RP1: variants seen among roughly 807,000 people sequenced by gnomAD.
RP1 encodes the protein RP1 axonemal microtubule associated.
Under a neutral mutation model 14.8 loss-of-function variants are expected in RP1, and 16 were observed. The ratio of observed to expected loss-of-function variants is 1.08; its 90% CI spans 0.73 to 1.65. RP1 has a LOEUF of 1.65. RP1 is among the 40% of genes most tolerant of loss of function. The pLI is 0.00. For missense variants in RP1, 2,631 were observed against 2,535.0 expected (o/e 1.04, Z -0.81); for synonymous variants, 876 against 883.6 (o/e 0.99, Z 0.15).
intron 24 of RP1, among the ~76,000 whole-genome samples, chr8:54,812,739 T>C (rs1208492948): frequency 2.0e-5 from 3 of 151,792 alleles, no homozygotes; most frequent in African/African-American, 4.8e-5. Context: ...TCTATGTATC[T>C]ATGTATCCAT....
intron 24 of RP1, among the ~76,000 whole-genome samples, chr8:54,788,080 G>A (rs1322681130): frequency 6.6e-6 from 1 of 152,144 alleles, no homozygotes; most frequent in East Asian, 1.9e-4. Flanking sequence ...CCCACAAATT[G>A]TGGTAGACTT....
At chr8:54,729,747 A>G (rs1171618620) in intron 17 of RP1, among the ~76,000 whole-genome samples, 2 of 152,062 alleles carry the variant, frequency 1.3e-5, no homozygotes, top group Admixed American at 1.3e-4. Flanking sequence ...TATTTTAAAT[A>G]AAATTTAATA....
intron 3 of RP1, among the ~76,000 whole-genome samples, chr8:54,624,443 C>CAAAAAAAAAAAAA (rs11332494): frequency 5.7e-4 from 32 of 56,588 alleles, no homozygotes; most frequent in Non-Finnish European, 6.5e-4. Flanking sequence ...GACTCTGTCT[C>CAAAAAAAAAAAAA]AAAAAAAAAA....
At chr8:54,737,389 C>T (rs770321451) in intron 18 of RP1, among the ~76,000 whole-genome samples, 5 of 152,118 alleles carry the variant, frequency 3.3e-5, no homozygotes, top group African/African-American at 4.8e-5. Context: ...TTCAGATATC[C>T]CTTTATTGTT....
At chr8:54,775,102 C>T (rs376030203) in intron 23 of RP1, among the ~76,000 whole-genome samples, 42 of 152,000 alleles carry the variant, frequency 2.8e-4, no homozygotes, top group African/African-American at 9.9e-4. Context: ...CAGACATCAA[C>T]AAATGTCTCC....
rs535526191 is a variant in RP1 at position 54,692,124 on chromosome 8, T to G, written c.1718-7343T>G. 1.4e-4 allele frequency among the ~76,000 whole-genome samples: 21 copies of G among 151,978 alleles called. No homozygotes were observed. The South Asian group carries it at 4.0e-3, about 29-fold the overall frequency. Reference sequence around the variant, plus strand: ...GAATGATGATTTCCAATTTCATCCATGTCCCTACAAAGGACATGAACTCAT... The same window carrying G: ...GAATGATGATTTCCAATTTCATCCAGGTCCCTACAAAGGACATGAACTCAT... On this transcript the variant is annotated intron_variant, in intron 12 of 22. Coordinates refer to the RP1 transcript ENST00000636932.
chr8:54,625,413 G>C lies in RP1; in HGVS notation c.1531G>C (p.Val511Leu). Residue 511 changes from valine (V) to leucine (L), a missense_variant, in exon 4 of 4, where the codon GTA becomes CTA. By Grantham distance (32) the Val-to-Leu change is conservative. Coordinates refer to ENST00000220676, the MANE Select transcript of RP1 (RefSeq NM_006269.2). ...FTHSCSKMSS[V>L]SNKPVLVQIN... ...ACATTCTTGCAGTAAAATGTCATCA[G>C]TATCTAACAAACCAGTACTTGTTCA... 6.2e-7 allele frequency: 1 copy of C among 1,613,996 alleles called. No homozygotes were observed. The highest frequency in any genetic ancestry group is 8.5e-7 in the Non-Finnish European group (1 of 1,180,038).
Position 54,628,480 on chromosome 8 carries a change from C to A in RP1, c.4598C>A (p.Ala1533Glu). 6.2e-7 allele frequency: 1 copy of A among 1,613,510 alleles called. No homozygotes were observed. Among genetic ancestry groups the A allele is most frequent in the Non-Finnish European group, 8.5e-7 (1 of 1,179,812 alleles). Residue 1533 changes from alanine to glutamate, a missense_variant, in exon 4 of 4, where the codon GCA (alanine) becomes GAA (glutamate). Physicochemically the swap from Ala to Glu is moderately radical, Grantham distance 107 (BLOSUM62 -1). Transcript: ENST00000220676. ...TATGAAATAATCAGTAAGAGGCTGG[C>A]AACACCACCATCTTTAGATTTTTGC... ...IIYEIISKRL[A>E]TPPSLDFCYD...
intron 8 of RP1, among the ~76,000 whole-genome samples, chr8:54,675,535 T>G (rs1807277676): frequency 6.6e-6 from 1 of 152,164 alleles, no homozygotes; most frequent in African/African-American, 2.4e-5. Flanking sequence ...TCATGAAACA[T>G]TTTTATAATT....
At chr8:54,675,310 A>G (rs561103761) in intron 8 of RP1, among the ~76,000 whole-genome samples, 2 of 152,306 alleles carry the variant, frequency 1.3e-5, no homozygotes, top group Non-Finnish European at 2.9e-5. Context: ...ATAATTCACA[A>G]TGAGATTGTA....
intron 1 of RP1, among the ~76,000 whole-genome samples, chr8:54,585,607 C>T (rs1323912953): frequency 8.5e-5 from 13 of 152,322 alleles, no homozygotes; most frequent in Non-Finnish European, 1.6e-4. Flanking sequence ...AACTTGGTTG[C>T]GTTATCCCCG....
chr8:54,856,270 G>C (rs1812196702), intron 26 of RP1, among the ~76,000 whole-genome samples: 1 of 152,100 alleles, frequency 6.6e-6, no homozygotes, highest in South Asian at 2.1e-4. Flanking sequence ...TAAAAGTCAA[G>C]ATAGTGGATA....
In RP1 at chr8:54,630,041, C is replaced by A. The variant is rs755948701; in HGVS notation, c.6159C>A (p.Asp2053Glu). 15 of 1,613,980 alleles carry A rather than the reference C, an allele frequency of 9.3e-6. No individual in the cohort carries two copies. The highest frequency in any genetic ancestry group is 1.3e-5 in the Non-Finnish European group (15 of 1,179,962). Residue 2053 changes from aspartate to glutamate, a missense_variant, in exon 4 of 4, where the codon GAC becomes GAA. Asp to Glu is a conservative substitution (Grantham distance 45). Coordinates refer to ENST00000220676, the MANE Select transcript of RP1 (RefSeq NM_006269.2). ...GTAATGTGGATTCAAATACACAAGA[C>A]CTCAGCGGTCAGACAAATGAAATCT... The part of the protein sequence containing the change: ...VVGNVDSNTQ[D>E]LSGQTNEIFK...
chr8:54,608,435 A>G (rs1411696366), intron 1 of RP1, among the ~76,000 whole-genome samples: 1 of 152,190 alleles, frequency 6.6e-6, no homozygotes, highest in East Asian at 1.9e-4. Context: ...TTTTCAGTCT[A>G]GGCAGTTATT....
At chr8:54,689,738 A>G (rs977859263) in intron 12 of RP1, among the ~76,000 whole-genome samples, 26 of 152,112 alleles carry the variant, frequency 1.7e-4, no homozygotes, top group African/African-American at 5.8e-4. Context: ...TGCATAAAGC[A>G]TAACTAGTTA....
At chr8:54,697,173 ATGTGTTTCC>A in intron 12 of RP1, 2 of 786,494 alleles carry the variant, frequency 2.5e-6, no homozygotes, top group Non-Finnish European at 4.3e-6. Context: ...AAGTGGAAGC[ATGTGTTTCC>A]TTTTTTTGGG....
At position 54,630,041 on chromosome 8, in the gene RP1, C is replaced by G. The variant is rs755948701; in HGVS notation, c.6159C>G (p.Asp2053Glu). 2 of 1,613,980 alleles carry G rather than the reference C, an allele frequency of 1.2e-6. No individual in the cohort carries two copies. The highest frequency in any genetic ancestry group is 1.7e-6 in the Non-Finnish European group (2 of 1,179,962). Residue 2053 changes from aspartate to glutamate, a missense_variant, in exon 4 of 4, where the codon GAC (aspartate) becomes GAG (glutamate). Coordinates refer to ENST00000220676, the MANE Select transcript of RP1 (RefSeq NM_006269.2). ...GTAATGTGGATTCAAATACACAAGACCTCAGCGGTCAGACAAATGAAATCT... is the reference window on the plus strand; with the variant it reads ...GTAATGTGGATTCAAATACACAAGAGCTCAGCGGTCAGACAAATGAAATCT... ...VVGNVDSNTQ[D>E]LSGQTNEIFK...
At chr8:54,699,002 C>T (rs912314332) in intron 12 of RP1, among the ~76,000 whole-genome samples, 4 of 151,948 alleles carry the variant, frequency 2.6e-5, no homozygotes, top group East Asian at 1.9e-4. Context: ...GAAACCTGCA[C>T]GTTGTGCACA....
At chr8:54,611,343 G>T (rs979701123), upstream of RP1, among the ~76,000 whole-genome samples, 1 of 151,976 alleles carries the variant, frequency 6.6e-6, no homozygotes, top group Non-Finnish European at 1.5e-5. Flanking sequence ...TATTCTAGTT[G>T]ATGGTATCCC....
Sources: gnomAD v4.1 joint callset for allele counts (sites outside exome capture counted in the v4.1 genomes callset) on GRCh38, gnomAD v4.1.1 for gene constraint, MANE v1.5 for transcripts, NCBI Gene and HGNC (gene_info 2026-07-23, HGNC 2026-07-21) for gene names.